SLIT3: variants seen among roughly 807,000 people sequenced by gnomAD.
SLIT3 encodes the protein slit guidance ligand 3, also known as slit homolog 3 protein.
In SLIT3, 68 loss-of-function variants were observed where a neutral mutation model predicts 184.0. That is an observed-to-expected ratio of 0.37 (90% CI 0.30 to 0.45). The LOEUF (loss-of-function observed/expected upper bound fraction) is 0.45, where lower values mean the gene tolerates loss of function less well. SLIT3 is among the 20% of genes least tolerant of loss of function. The pLI, the probability that SLIT3 is intolerant of heterozygous loss-of-function variation, is 1.00. For synonymous variants in SLIT3, 831 were observed against 828.6 expected, an observed-to-expected ratio of 1.00 and a Z score of -0.05; for missense variants, 1,707 against 2,026.0, an observed-to-expected ratio of 0.84 and a Z score of 3.02.
intron 20 of SLIT3, among the ~76,000 whole-genome samples, chr5:168,746,806 G>A (rs1257661370): frequency 2.5e-5 from 2 of 80,802 alleles, no homozygotes; most frequent in South Asian, 9.8e-4. Context: ...TGGGTGTGGC[G>A]GTGTGTGGTG....
intron 4 of SLIT3, among the ~76,000 whole-genome samples, chr5:169,063,206 C>A (rs561871736): frequency 6.6e-6 from 1 of 152,154 alleles, no homozygotes; most frequent in Non-Finnish European, 1.5e-5. Context: ...GCCTTAATGC[C>A]GGCTGCATGA....
At chr5:169,102,220 A>AC (rs1760045430) in intron 4 of SLIT3, among the ~76,000 whole-genome samples, 1 of 152,228 alleles carries the variant, frequency 6.6e-6, no homozygotes, top group Non-Finnish European at 1.5e-5. Flanking sequence ...AACTGGGGAC[A>AC]TCCCCTGCCT....
intron 4 of SLIT3, among the ~76,000 whole-genome samples, chr5:169,144,539 T>C (rs1761863337): frequency 6.6e-6 from 1 of 152,270 alleles, no homozygotes; most frequent in Non-Finnish European, 1.5e-5. Context: ...GCACAGCGTC[T>C]AGATGCTCTC....
rs115493016 is a variant in SLIT3, at chr5:168,766,700, A to G, written c.1460-4011T>C. ...CACTCCCAGAGGCCTGGTCCCTGCC[A>G]TGTTAGGGGCAGTGCCGAGGGCCTC... On this transcript the variant is annotated intron_variant, in intron 14 of 35. Transcript: ENST00000519560. Among the ~76,000 whole-genome samples the G allele has an allele frequency of 7.9e-3, 1,197 of 152,346 alleles. 15 individuals carry two copies. The highest frequency in any genetic ancestry group is 0.028 in the African/African-American group (1,151 of 41,574).
intron 3 of SLIT3, among the ~76,000 whole-genome samples, chr5:169,230,580 G>A (rs1764970521): frequency 6.6e-6 from 1 of 152,190 alleles, no homozygotes; most frequent in Admixed American, 6.5e-5. Flanking sequence ...GAAAAACGGA[G>A]CTAACACACC....
chr5:169,103,973 G>A (rs1473967074), intron 4 of SLIT3, among the ~76,000 whole-genome samples: 4 of 152,342 alleles, frequency 2.6e-5, no homozygotes, highest in Admixed American at 2.0e-4. Flanking sequence ...GAACTCCAGA[G>A]ACACTCGTTC....
intron 3 of SLIT3, among the ~76,000 whole-genome samples, chr5:169,227,497 G>C (rs1415410221): frequency 1.3e-5 from 2 of 152,040 alleles, no homozygotes; most frequent in African/African-American, 4.8e-5. Flanking sequence ...GCACGATCTT[G>C]GCTTACTGCA....
chr5:168,900,675 G>GGTTGATTC (rs1760834692), intron 4 of SLIT3, among the ~76,000 whole-genome samples: 1 of 152,104 alleles, frequency 6.6e-6, no homozygotes, highest in African/African-American at 2.4e-5. Context: ...GTTTATCTTA[G>GGTTGATTC]CACTATTCAC....
At chr5:168,759,670 G>T (rs911875740) in intron 16 of SLIT3, among the ~76,000 whole-genome samples, 2 of 152,210 alleles carry the variant, frequency 1.3e-5, no homozygotes, top group Non-Finnish European at 2.9e-5. Context: ...GGGTGTGGGT[G>T]ACTCTGTTTT....
At chr5:168,776,827 G>A (rs1755766646) in intron 12 of SLIT3, among the ~76,000 whole-genome samples, 1 of 152,036 alleles carries the variant, frequency 6.6e-6, no homozygotes, top group South Asian at 2.1e-4. Context: ...CACACACACA[G>A]TGTTTTGATT....
chr5:169,150,821 AC>A (rs1762088876), intron 4 of SLIT3, among the ~76,000 whole-genome samples: 1 of 152,076 alleles, frequency 6.6e-6, no homozygotes, highest in South Asian at 2.1e-4. Flanking sequence ...TCCAGCCATC[AC>A]CCTGTAAATT....
intron 4 of SLIT3, among the ~76,000 whole-genome samples, chr5:169,100,838 C>T (rs973654708): frequency 4.6e-5 from 7 of 152,314 alleles, no homozygotes; most frequent in East Asian, 1.9e-4. Flanking sequence ...GGGTTCTCTG[C>T]GGTCACTGGC....
At chr5:168,721,423 T>C (rs1254053504) in intron 23 of SLIT3, among the ~76,000 whole-genome samples, 1 of 152,230 alleles carries the variant, frequency 6.6e-6, no homozygotes, top group Non-Finnish European at 1.5e-5. Flanking sequence ...ATACAGTATC[T>C]CATTTAATCC....
chr5:168,694,500 A>G (rs1329249570), intron 28 of SLIT3, among the ~76,000 whole-genome samples: 1 of 152,216 alleles, frequency 6.6e-6, no homozygotes, highest in Admixed American at 6.5e-5. Context: ...TTGCTAATGC[A>G]ACTCTTGGCT....
intron 28 of SLIT3, among the ~76,000 whole-genome samples, chr5:168,695,057 C>T (rs1191259267): frequency 6.6e-6 from 1 of 152,180 alleles, no homozygotes. Flanking sequence ...CTTGGGGATA[C>T]TGTCTATGGG....
At chr5:168,927,998 C>A (rs1254337703) in intron 4 of SLIT3, among the ~76,000 whole-genome samples, 1 of 152,232 alleles carries the variant, frequency 6.6e-6, no homozygotes, top group African/African-American at 2.4e-5. Context: ...AGCACATCAC[C>A]TATCCCACTG....
intron 20 of SLIT3, among the ~76,000 whole-genome samples, chr5:168,745,805 T>A (rs1030326273): frequency 6.6e-6 from 1 of 152,210 alleles, no homozygotes; most frequent in African/African-American, 2.4e-5. Flanking sequence ...AAGACTCCAT[T>A]GATGTGACAA....
At chr5:168,871,424 A>G (rs1213829824) in intron 5 of SLIT3, among the ~76,000 whole-genome samples, 1 of 151,940 alleles carries the variant, frequency 6.6e-6, no homozygotes, top group Non-Finnish European at 1.5e-5. Context: ...GGGACTCCTC[A>G]GTTCTTTTCG....
At chr5:169,235,253 C>T in intron 3 of SLIT3, among the ~76,000 whole-genome samples, 1 of 152,158 alleles carries the variant, frequency 6.6e-6, no homozygotes, top group Admixed American at 6.5e-5. Flanking sequence ...TTTCCATCTT[C>T]TATTTCTTTT....
Sources: allele counts gnomAD v4.1 joint callset (sites outside exome capture counted in the v4.1 genomes callset), GRCh38; gene constraint gnomAD v4.1.1; transcripts MANE v1.5; gene names NCBI Gene and HGNC (gene_info 2026-07-23, HGNC 2026-07-21).